RIC1: variants seen among roughly 807,000 people sequenced by gnomAD.
RIC1 encodes the protein guanine nucleotide exchange factor subunit RIC1.
A neutral mutation model predicts 169.0 loss-of-function variants in RIC1; 88 were observed. That is an observed-to-expected ratio of 0.52 (90% CI 0.44 to 0.62). RIC1 has a LOEUF of 0.62. Ranked by LOEUF, RIC1 falls within the 20% of genes least tolerant of loss-of-function variation. The pLI is 0.00. For synonymous variants in RIC1, 790 were observed against 601.5 expected (o/e 1.31, Z -4.59); for missense variants, 1,877 against 1,725.5 (o/e 1.09, Z -1.56).
chr9:5,656,190 A>G (rs946158790), intron 1 of RIC1, among the ~76,000 whole-genome samples: 1 of 152,078 alleles, frequency 6.6e-6, no homozygotes. Context: ...TTTTCATGTA[A>G]TATCCTTTTC....
chr9:5,658,496 G>T (rs190919913), intron 2 of RIC1, among the ~76,000 whole-genome samples: 2 of 152,208 alleles, frequency 1.3e-5, no homozygotes, highest in Admixed American at 1.3e-4. Flanking sequence ...AGTGGTCCAT[G>T]TGAAGTATGA....
intron 3 of RIC1, among the ~76,000 whole-genome samples, chr9:5,693,058 C>G (rs185288833): frequency 8.9e-4 from 136 of 152,154 alleles, no homozygotes; most frequent in African/African-American, 3.1e-3. Context: ...TGTTTATGCT[C>G]CATCCAGCTA....
chr9:5,739,501 C>T (rs1326025034), intron 8 of RIC1, among the ~76,000 whole-genome samples: 1 of 152,090 alleles, frequency 6.6e-6, no homozygotes, highest in Admixed American at 6.6e-5. Flanking sequence ...CCATAGTGCA[C>T]CTCCTCATGG....
chr9:5,647,397 G>C (rs1270321062), intron 1 of RIC1, among the ~76,000 whole-genome samples: 1 of 152,156 alleles, frequency 6.6e-6, no homozygotes, highest in African/African-American at 2.4e-5. Context: ...GATTGCTTTG[G>C]GTAGTATTGA....
At chr9:5,768,631 T>G (rs1826966321) in intron 21 of RIC1, among the ~76,000 whole-genome samples, 1 of 152,220 alleles carries the variant, frequency 6.6e-6, no homozygotes, top group African/African-American at 2.4e-5. Context: ...TGATGTGCTC[T>G]CCTTCCCTCT....
At chr9:5,693,373 C>T (rs558220519) in intron 3 of RIC1, among the ~76,000 whole-genome samples, 2 of 152,238 alleles carry the variant, frequency 1.3e-5, no homozygotes, top group East Asian at 3.9e-4. Flanking sequence ...GCCTCATGAT[C>T]TTTCCTAGTT....
intron 1 of RIC1, among the ~76,000 whole-genome samples, chr9:5,646,669 A>T (rs1273381547): frequency 6.6e-6 from 1 of 152,202 alleles, no homozygotes; most frequent in East Asian, 1.9e-4. Context: ...TGATGTTCAC[A>T]TGATGACAAA....
At chr9:5,638,591 C>A (rs1818086706) in intron 1 of RIC1, among the ~76,000 whole-genome samples, 1 of 152,150 alleles carries the variant, frequency 6.6e-6, no homozygotes, top group Non-Finnish European at 1.5e-5. Flanking sequence ...AGGGATTTAT[C>A]CATTTCCTCT....
rs547308362 is a variant in RIC1 at position 5,671,591 on chromosome 9, C to T, written c.252+14901C>T. ...GCACCCAGCCTGTATTATTTTATAT[C>T]ATAATGAAAGAAATGAAAATAAAAA... On this transcript the variant is annotated intron_variant, in intron 2 of 25. Transcript: ENST00000414202. Among the ~76,000 whole-genome samples, 6 of 152,210 alleles carry T rather than the reference C, an allele frequency of 3.9e-5. No individual in the cohort carries two copies. The South Asian group carries it at 1.2e-3, about 32-fold the overall frequency.
In RIC1 at chr9:5,668,915, C is replaced by A. The variant is rs569201816; in HGVS notation, c.252+12225C>A. ...CCTTAGGGATGGTTTCTGCCATATT[C>A]TTTATTTTCTATGACTGGGCCATAC... On this transcript the variant is annotated intron_variant, in intron 2 of 25. Transcript: ENST00000414202. Among the ~76,000 whole-genome samples, 162 of 152,086 alleles carry A rather than the reference C, an allele frequency of 1.1e-3. 2 individuals carry two copies. The highest frequency in any genetic ancestry group is 2.8e-3 in the Admixed American group (42 of 15,262).
chr9:5,727,639 A>G (rs978393682), intron 6 of RIC1, among the ~76,000 whole-genome samples: 3 of 152,110 alleles, frequency 2.0e-5, no homozygotes, highest in Non-Finnish European at 4.4e-5. Context: ...TTAGAATTTT[A>G]GCTTTTCTGC....
At position 5,738,480 on chromosome 9, in the gene RIC1, C is replaced by G; in HGVS notation, c.843C>G (p.Asn281Lys). The G allele has an allele frequency of 6.2e-7, 1 of 1,603,612 alleles. No individual in the cohort carries two copies. Among genetic ancestry groups the G allele is most frequent in the Non-Finnish European group, 8.5e-7 (1 of 1,176,800 alleles). ...CTGTGCAGGTCTATACAATAGATAA[C>G]AGCACTGGAGCCATGCTGCTATCTC... ...SGSVQVYTID[N>K]STGAMLLSHK... is the part of the protein sequence containing the mutation. Residue 281 changes from asparagine (N) to lysine (K), a missense_variant, in exon 8 of 26, where the codon AAC (asparagine) becomes AAG (lysine). Physicochemically the swap from Asn to Lys is moderately conservative, Grantham distance 94. Transcript: ENST00000414202.
At chr9:5,663,736 A>G (rs1819590967) in intron 2 of RIC1, among the ~76,000 whole-genome samples, 1 of 152,134 alleles carries the variant, frequency 6.6e-6, no homozygotes, top group Non-Finnish European at 1.5e-5. Flanking sequence ...AAGACAGCAT[A>G]CCGCTGGGTC....
chr9:5,673,951 GAA>G (rs1218057724), intron 2 of RIC1, among the ~76,000 whole-genome samples: 1 of 151,904 alleles, frequency 6.6e-6, no homozygotes, highest in East Asian at 1.9e-4. Flanking sequence ...TTTATATAAA[GAA>G]AAAAATTGTA....
chr9:5,777,661 G>A (rs1383255215), downstream of RIC1, among the ~76,000 whole-genome samples: 1 of 152,052 alleles, frequency 6.6e-6, no homozygotes, highest in African/African-American at 2.4e-5. Context: ...TCCATTTTGA[G>A]TTAATTTTCA....
At chr9:5,686,345 C>T (rs1821222315) in intron 2 of RIC1, among the ~76,000 whole-genome samples, 1 of 152,074 alleles carries the variant, frequency 6.6e-6, no homozygotes, top group African/African-American at 2.4e-5. Flanking sequence ...TATTGTGGCA[C>T]TATTCACAAT....
rs1427300683 is a variant in RIC1 at position 5,732,456 on chromosome 9, A to T, written c.789A>T (p.Arg263=). ...GTGTAGCAGTAAATAACAAGTATCGACTAATGGCATTTGGCTGTGTGAGGT... is the reference window on the plus strand; with the variant it reads ...GTGTAGCAGTAAATAACAAGTATCGTCTAATGGCATTTGGCTGTGTGAGGT... ...GTCVAVNNKY[R]LMAFGCVSGS... Residue 263 remains arginine, a synonymous_variant, in exon 7 of 26, where the codon CGA becomes CGT. Transcript: ENST00000414202. 1.9e-6 allele frequency: 3 copies of T among 1,611,696 alleles called. No homozygotes were observed. Among genetic ancestry groups the T allele is most frequent in the Non-Finnish European group, 2.5e-6 (3 of 1,178,768 alleles).
Position 5,772,956 on chromosome 9 carries a change from C to A in RIC1, c.3859C>A (p.Leu1287Ile), listed in dbSNP as rs780585539. Reference sequence around the variant, plus strand: ...CTGGTGCATCGTTATAGGCCTGATTCTTAGAGAATCCTCAATAATCAATCA... The same window carrying A: ...CTGGTGCATCGTTATAGGCCTGATTATTAGAGAATCCTCAATAATCAATCA... Reference protein sequence around the residue: ...LDWCIVIGLILRESSIINQIL... With the variant: ...LDWCIVIGLIIRESSIINQIL... The change falls in exon 25 of 26, where the codon CTT becomes ATT. Residue 1287 changes from leucine (L) to isoleucine (I), a missense_variant. By Grantham distance (5) the Leu-to-Ile change is conservative. Transcript: ENST00000414202. 6.2e-7 allele frequency: 1 copy of A among 1,613,588 alleles called. No individual in the cohort carries two copies.
intron 1 of RIC1, among the ~76,000 whole-genome samples, chr9:5,630,916 C>T (rs960768833): frequency 6.6e-6 from 1 of 152,128 alleles, no homozygotes; most frequent in Non-Finnish European, 1.5e-5. Context: ...AAAAATAGAA[C>T]TTGAATTTAA....
Sources: gnomAD v4.1 joint callset for allele counts (sites outside exome capture counted in the v4.1 genomes callset) on GRCh38, gnomAD v4.1.1 for gene constraint, MANE v1.5 for transcripts, NCBI Gene and HGNC (gene_info 2026-07-23, HGNC 2026-07-21) for gene names.